SNRNP40: variants seen among roughly 807,000 people sequenced by gnomAD.
The protein encoded by SNRNP40 is small nuclear ribonucleoprotein U5 subunit 40, also known as U5 small nuclear ribonucleoprotein 40 kDa protein.
SNRNP40 carries 21 observed loss-of-function variants against 45.8 expected under a neutral mutation model. The ratio of observed to expected loss-of-function variants is 0.46; its 90% confidence interval spans 0.32 to 0.66. The LOEUF is 0.66. SNRNP40 is among the 30% of genes least tolerant of loss of function. The probability of loss-of-function intolerance (pLI) is 0.03; values close to 1 mark genes in which losing one functional copy is unlikely to be tolerated. For missense variants in SNRNP40, 344 were observed against 439.1 expected (o/e 0.78, Z 1.94); for synonymous variants, 142 against 163.8 (o/e 0.87, Z 1.01).
At chr1:31,277,752 T>C (rs1645986020) in intron 5 of SNRNP40, among the ~76,000 whole-genome samples, 2 of 152,236 alleles carry the variant, frequency 1.3e-5, no homozygotes. Flanking sequence ...TGGAGTGCAG[T>C]GGCACGATCT....
chr1:31,287,676 A>G (rs916719605), intron 4 of SNRNP40, among the ~76,000 whole-genome samples: 2 of 152,156 alleles, frequency 1.3e-5, no homozygotes, highest in Admixed American at 1.3e-4. Flanking sequence ...AGGGGCCCCA[A>G]GTGATTAGGT....
intron 1 of SNRNP40, 150 bp downstream of exon 1, chr1:31,296,461 G>C (rs1357380828): frequency 9.5e-7 from 1 of 1,053,446 alleles, no homozygotes. Context: ...AGGCTATGGG[G>C]AGCTTTTACA....
chr1:31,296,741 T>C lies in SNRNP40; in HGVS notation c.11A>G (p.Gln4Arg). The C allele has an allele frequency of 6.2e-7, 1 of 1,604,092 alleles. No homozygotes were observed. Among genetic ancestry groups the C allele is most frequent in the Non-Finnish European group, 8.5e-7 (1 of 1,175,718 alleles). Reference protein sequence around the residue: MIEQQKRKGPELPL... With the variant: MIERQKRKGPELPL... ...CAACTCTGGGCCCTTACGCTTCTGC[T>C]GTTCTATCATGGCGGCAACCGGTCT... Residue 4 changes from glutamine (Q) to arginine (R), a missense_variant, in exon 1 of 10, where the codon CAG becomes CGG. Transcript: ENST00000263694.
intron 5 of SNRNP40, among the ~76,000 whole-genome samples, chr1:31,272,247 G>A (rs1256444560): frequency 6.6e-6 from 1 of 151,928 alleles, no homozygotes; most frequent in Non-Finnish European, 1.5e-5. Context: ...AACAATATGT[G>A]ACAATAAATG....
rs533618729 is a variant in SNRNP40 at position 31,293,219 on chromosome 1, A to G, written c.271T>C (p.Leu91=). The change falls in exon 2 of 10, where the codon TTA becomes CTA. Residue 91 remains leucine (L), a splice_region_variant and synonymous_variant. Transcript: ENST00000263694. ...TCCAGATTCAAAAACTATGCCTCAC[A>G]TATCAGTCGGTCAAATCCTGCAGAT... is the stretch of plus-strand genomic sequence containing the variant. The part of the protein sequence containing the change: ...LASAGFDRLI[L]LWNVYGDCDN... 1.6e-5 allele frequency: 26 copies of G among 1,613,824 alleles called. No homozygotes were observed. The South Asian group carries it at 1.6e-4, about 10-fold the overall frequency.
intron 5 of SNRNP40, among the ~76,000 whole-genome samples, chr1:31,279,281 G>A (rs756853747): frequency 6.6e-6 from 1 of 152,202 alleles, no homozygotes; most frequent in Non-Finnish European, 1.5e-5. Flanking sequence ...GCATCAGTAG[G>A]ATTTATTTCA....
At chr1:31,278,852 C>T (rs922545889) in intron 5 of SNRNP40, among the ~76,000 whole-genome samples, 3 of 151,888 alleles carry the variant, frequency 2.0e-5, no homozygotes, top group East Asian at 1.9e-4. Context: ...ATGTACACAG[C>T]GAGAAAAGCA....
intron 4 of SNRNP40, among the ~76,000 whole-genome samples, chr1:31,286,554 TCA>T (rs1646060716): frequency 1.3e-5 from 2 of 152,222 alleles, no homozygotes; most frequent in East Asian, 3.9e-4. Flanking sequence ...TTGCTCAGTC[TCA>T]GACTCCCTAC....
At chr1:31,292,160 C>T (rs1221418556) in intron 2 of SNRNP40, among the ~76,000 whole-genome samples, 154 bp from the exon 3 acceptor site, 2 of 152,036 alleles carry the variant, frequency 1.3e-5, no homozygotes, top group African/African-American at 4.8e-5. Flanking sequence ...GTCAGGAGTT[C>T]GAGACCAGCG....
At chr1:31,286,805 T>G (rs1239348498) in intron 4 of SNRNP40, among the ~76,000 whole-genome samples, 3 of 152,170 alleles carry the variant, frequency 2.0e-5, no homozygotes, top group Non-Finnish European at 4.4e-5. Flanking sequence ...GATGCTCTCC[T>G]TACCACACTT....
rs1645843153 is a variant in SNRNP40 at position 31,259,571 on chromosome 1, G to T, written c.*501C>A. ...AAAAAAACAAGTGAGCAGCTTCTTG[G>T]AAGTTTAAATGAATTGTATTCTGTG... On this transcript the variant is annotated 3_prime_UTR_variant, in exon 10 of 10. Coordinates refer to ENST00000263694, the MANE Select transcript of SNRNP40 (RefSeq NM_004814.3). 3.3e-6 allele frequency: 1 copy of T among 306,616 alleles called. No individual in the cohort carries two copies. The highest frequency in any genetic ancestry group is 2.8e-5 in the South Asian group (1 of 36,344). The allele number at this position is 306,616 out of a possible 1,614,324, so 19.0% of individuals were successfully genotyped here.
chr1:31,279,042 C>T (rs74065824), intron 5 of SNRNP40, among the ~76,000 whole-genome samples: 8 of 98,016 alleles, frequency 8.2e-5, no homozygotes, highest in African/African-American at 2.5e-4. Flanking sequence ...AAAACACATA[C>T]AAAAAACAAA....
intron 3 of SNRNP40, among the ~76,000 whole-genome samples, chr1:31,290,089 G>A (rs921863612): frequency 1.3e-5 from 2 of 151,994 alleles, no homozygotes; most frequent in African/African-American, 4.8e-5. Flanking sequence ...CTTGAACTGG[G>A]CTCAAGCAAT....
chr1:31,279,330 G>A lies in SNRNP40; in HGVS notation c.654+2044C>T, dbSNP rs180877248. Among the ~76,000 whole-genome samples the A allele has an allele frequency of 1.5e-3, 234 of 152,324 alleles. 1 individual carries two copies. Among genetic ancestry groups the A allele is most frequent in the Non-Finnish European group, 2.2e-3 (152 of 68,038 alleles). On this transcript the variant is annotated intron_variant, in intron 5 of 9. Coordinates refer to ENST00000263694, the MANE Select transcript of SNRNP40 (RefSeq NM_004814.3). ...TCAAAGTCTTTAAGATCCGTGAGGA[G>A]GTCAATAGCAAAGCTTAAATGAATT... is the stretch of plus-strand genomic sequence containing the variant.
At chr1:31,287,053 A>C (rs1477036875) in intron 4 of SNRNP40, among the ~76,000 whole-genome samples, 1 of 152,252 alleles carries the variant, frequency 6.6e-6, no homozygotes, top group African/African-American at 2.4e-5. Context: ...TTAGACTAAA[A>C]ATGCAAGTGC....
intron 8 of SNRNP40, among the ~76,000 whole-genome samples, chr1:31,266,177 A>G (rs1645895091): frequency 6.6e-6 from 1 of 152,196 alleles, no homozygotes; most frequent in Non-Finnish European, 1.5e-5. Context: ...AGAATTATTC[A>G]TTAATAGAAA....
intron 4 of SNRNP40, among the ~76,000 whole-genome samples, chr1:31,285,099 A>G (rs1469742859): frequency 6.6e-6 from 1 of 152,220 alleles, no homozygotes; most frequent in Non-Finnish European, 1.5e-5. Context: ...ATAATTTAGA[A>G]TTTTAGTTCC....
chr1:31,261,750 C>T (rs1190303656), intron 8 of SNRNP40, 118 bp from the exon 9 acceptor site: 1 of 629,538 alleles, frequency 1.6e-6, no homozygotes, highest in African/African-American at 1.8e-5. Context: ...ATTTACTGAA[C>T]CATGTTCTGG....
Position 31,293,219 on chromosome 1 carries a change from A to AT in SNRNP40, c.270dup (p.Leu91IlefsTer8), listed in dbSNP as rs934963244. The AT allele has an allele frequency of 6.2e-7, 1 of 1,613,706 alleles. No homozygotes were observed. Among genetic ancestry groups the AT allele is most frequent in the Non-Finnish European group, 8.5e-7 (1 of 1,179,876 alleles). On this transcript the variant is annotated frameshift_variant and splice_region_variant, in exon 2 of 10. Coordinates refer to ENST00000263694, the MANE Select transcript of SNRNP40 (RefSeq NM_004814.3). LOFTEE classifies it high-confidence loss of function. ...TCCAGATTCAAAAACTATGCCTCACATATCAGTCGGTCAAATCCTGCAGAT... is the reference window on the plus strand; with the variant it reads ...TCCAGATTCAAAAACTATGCCTCACATTATCAGTCGGTCAAATCCTGCAGAT...
Sources: allele counts gnomAD v4.1 joint callset (sites outside exome capture counted in the v4.1 genomes callset), GRCh38; gene constraint gnomAD v4.1.1; transcripts MANE v1.5; gene names NCBI Gene and HGNC (gene_info 2026-07-23, HGNC 2026-07-21).